The following GPR55 variants were observed in gnomAD, a reference collection of about 807,000 sequenced individuals.
The protein encoded by GPR55 is G-protein coupled receptor 55.
A neutral mutation model predicts 7.9 loss-of-function variants in GPR55; 6 were observed. The ratio of observed to expected loss-of-function variants is 0.76; its 90% CI spans 0.41 to 1.49. GPR55 has a LOEUF of 1.49. Ranked by LOEUF, GPR55 falls within the 40% of genes most tolerant of loss-of-function variation. The pLI is 0.01. For synonymous variants in GPR55, 183 were observed against 166.8 expected, an observed-to-expected ratio of 1.10 and a Z score of -0.75; for missense variants, 376 against 406.0, an observed-to-expected ratio of 0.93 and a Z score of 0.63.
At chr2:230,932,191 C>T (rs919126182) in intron 1 of GPR55, among the ~76,000 whole-genome samples, 11 of 152,234 alleles carry the variant, frequency 7.2e-5, no homozygotes, top group African/African-American at 2.2e-4. Flanking sequence ...ACCAGCCCGC[C>T]GACCTTCTCT....
At chr2:230,951,912 C>T (rs1341056994) in intron 1 of GPR55, among the ~76,000 whole-genome samples, 1 of 147,506 alleles carries the variant, frequency 6.8e-6, no homozygotes, top group Non-Finnish European at 1.5e-5. Flanking sequence ...GTACATACCA[C>T]CAGGCCCGGC....
At chr2:230,950,732 G>A (rs529018967) in intron 1 of GPR55, among the ~76,000 whole-genome samples, 34 of 152,226 alleles carry the variant, frequency 2.2e-4, no homozygotes, top group Admixed American at 1.5e-3. Flanking sequence ...GACAGTGGCT[G>A]TGTTAGGCCT....
At chr2:230,927,061 T>A (rs977605816), upstream of GPR55, among the ~76,000 whole-genome samples, 2 of 152,184 alleles carry the variant, frequency 1.3e-5, no homozygotes, top group African/African-American at 4.8e-5. Flanking sequence ...TTTTAAATTT[T>A]TAAATTTTTG....
At chr2:230,952,637 G>C (rs1245710564) in intron 1 of GPR55, among the ~76,000 whole-genome samples, 1 of 152,226 alleles carries the variant, frequency 6.6e-6, no homozygotes, top group East Asian at 1.9e-4. Context: ...GGGCGTTTCT[G>C]AAGCTCAGGG....
intron 1 of GPR55, among the ~76,000 whole-genome samples, chr2:230,933,027 T>C (rs1217763167): frequency 1.3e-5 from 2 of 152,098 alleles, no homozygotes; most frequent in Non-Finnish European, 1.5e-5. Flanking sequence ...GAAGGGAAAA[T>C]GGGTCTGCTT....
intron 1 of GPR55, among the ~76,000 whole-genome samples, chr2:230,914,322 A>G (rs1259804276): frequency 2.6e-5 from 4 of 152,242 alleles, no homozygotes; most frequent in Non-Finnish European, 5.9e-5. Flanking sequence ...TAAAGGTCAC[A>G]TTTGAATTAC....
rs2125044782 is a variant in GPR55, at chr2:230,909,946, A to G, written c.*57T>C. ...CCACATCAAAACCCTGGAACGCGATATCCGTTACCAGAATTCAGGGCCAGG... is the reference window on the plus strand; with the variant it reads ...CCACATCAAAACCCTGGAACGCGATGTCCGTTACCAGAATTCAGGGCCAGG... On this transcript the variant is annotated 3_prime_UTR_variant, in exon 2 of 2. Transcript: ENST00000650999. 6.5e-7 allele frequency: 1 copy of G among 1,529,200 alleles called. No individual in the cohort carries two copies. Among genetic ancestry groups the G allele is most frequent in the Admixed American group, 1.8e-5 (1 of 54,588 alleles). 94.7% of individuals were successfully genotyped at this position (1,529,200 alleles called of 1,614,324 possible). A position where few individuals can be genotyped will look rare whatever the true frequency, so the allele number is the denominator to read the frequency against.
rs61393519 is a variant in GPR55, at chr2:230,924,310, A to C, written c.-135+858T>G. ...CAAAGGCAAACCTTGCCTTCCACAG[A>C]GCTGTGGGCGGCACTTTGCCCTGCC... On this transcript the variant is annotated intron_variant, in intron 1 of 1. Transcript: ENST00000650999. This position sits in a 1 kb window ranked among gnomAD's most constrained non-coding sequence, Gnocchi z 4.5. Among the ~76,000 whole-genome samples, 605 of 152,236 alleles carry C rather than the reference A, an allele frequency of 4.0e-3. 2 individuals are homozygous for C. Among genetic ancestry groups the C allele is most frequent in the African/African-American group, 0.014 (570 of 41,536 alleles).
At chr2:230,916,219 A>G (rs1690711086) in intron 1 of GPR55, among the ~76,000 whole-genome samples, 1 of 152,090 alleles carries the variant, frequency 6.6e-6, no homozygotes, top group Non-Finnish European at 1.5e-5. Context: ...CCAAAAAAGA[A>G]AAAAAAATTT....
intron 1 of GPR55, among the ~76,000 whole-genome samples, chr2:230,941,893 T>G (rs570160015): frequency 6.6e-6 from 1 of 152,364 alleles, no homozygotes; most frequent in Admixed American, 6.5e-5. Context: ...GGATCCTGTC[T>G]GCTCTCTTTA....
intron 1 of GPR55, among the ~76,000 whole-genome samples, chr2:230,940,373 G>T (rs1691207084): frequency 6.6e-6 from 1 of 152,126 alleles, no homozygotes. Context: ...ATCAGTGGGA[G>T]GGGTCCAGGC....
In GPR55 at chr2:230,942,512, G is replaced by C. The variant is rs6711877; in HGVS notation, c.-135+18263C>G. ...GAGGGCAGGTGGAAGAGGCAGGTGT[G>C]GGGGGAGAGCGGCAGGGGGCAGTAG... On this transcript the variant is annotated intron_variant, in intron 1 of 1. Transcript: ENST00000392039. 3.3e-5 allele frequency among the ~76,000 whole-genome samples: 5 copies of C among 152,266 alleles called. No homozygotes were observed. The East Asian group carries it at 9.6e-4, about 29-fold the overall frequency.
At chr2:230,915,906 GC>G (rs929271512) in intron 1 of GPR55, among the ~76,000 whole-genome samples, 1 of 151,956 alleles carries the variant, frequency 6.6e-6, no homozygotes, top group Non-Finnish European at 1.5e-5. Flanking sequence ...AAAAACAACC[GC>G]CCCAAAACTT....
chr2:230,937,149 C>A (rs1484707791), intron 1 of GPR55, among the ~76,000 whole-genome samples: 3 of 152,118 alleles, frequency 2.0e-5, no homozygotes, highest in Admixed American at 6.5e-5. Context: ...CACCTGTAAT[C>A]CCAACGTTTT....
At chr2:230,950,036 A>G (rs1372758530) in intron 1 of GPR55, among the ~76,000 whole-genome samples, 1 of 152,184 alleles carries the variant, frequency 6.6e-6, no homozygotes, top group Non-Finnish European at 1.5e-5. Flanking sequence ...GGGTTTCACC[A>G]TGCTGGCCAG....
In GPR55 at chr2:230,944,632, G is replaced by C. The variant is rs191383745; in HGVS notation, c.-135+16143C>G. Among the ~76,000 whole-genome samples the C allele has an allele frequency of 1.3e-3, 203 of 152,328 alleles. No individual in the cohort carries two copies. Among genetic ancestry groups the C allele is most frequent in the Middle Eastern group, 3.4e-3 (1 of 294 alleles). The stretch of plus-strand genomic sequence containing the variant: ...ATGATTTGCTTTAACTGAAGGTGAA[G>C]AGAATCTTTCAGGAGTGGAGAGAAT... On this transcript the variant is annotated intron_variant, in intron 1 of 1. Coordinates refer to the GPR55 transcript ENST00000392039. This position sits in a 1 kb window ranked among gnomAD's most constrained non-coding sequence, Gnocchi z 4.2.
upstream of GPR55, among the ~76,000 whole-genome samples, chr2:230,927,349 A>T (rs753677913): frequency 6.6e-6 from 1 of 151,990 alleles, no homozygotes; most frequent in Non-Finnish European, 1.5e-5. Flanking sequence ...TATATGGGGG[A>T]TCCCTTGCCA....
chr2:230,938,988 G>A (rs116294526), intron 1 of GPR55, among the ~76,000 whole-genome samples: 2,493 of 152,250 alleles, frequency 0.016, 58 homozygotes, highest in African/African-American at 0.057. Flanking sequence ...CTCCCACCTC[G>A]CCGCCTGGGG....
chr2:230,910,089 T>G lies in GPR55; in HGVS notation c.874A>C (p.Ile292Leu). 1 of 1,614,166 alleles carries G rather than the reference T, an allele frequency of 6.2e-7. No individual in the cohort carries two copies. Among genetic ancestry groups the G allele is most frequent in the Non-Finnish European group, 8.5e-7 (1 of 1,180,020 alleles). The change falls in exon 2 of 2, where the codon ATC becomes CTC. Residue 292 changes from isoleucine (I) to leucine (L), a missense_variant. Physicochemically the swap from Ile to Leu is conservative, Grantham distance 5. Coordinates refer to ENST00000650999, the MANE Select transcript of GPR55 (RefSeq NM_005683.4). The surrounding 1 kb of genome is among the most constrained non-coding windows in gnomAD (Gnocchi z 5.4). ...CLDVFCYYFV[I>L]KEFRMNIRAH... The stretch of plus-strand genomic sequence containing the variant: ...CTGATGTTCATGCGGAATTCTTTGA[T>G]GACAAAGTAGTAGCAGAAAACATCC...
Sources: gnomAD v4.1 joint callset for allele counts (sites outside exome capture counted in the v4.1 genomes callset) on GRCh38, gnomAD v4.1.1 for gene constraint, Gnocchi (gnomAD v3.1) non-coding constraint, MANE v1.5 for transcripts, NCBI Gene and HGNC (gene_info 2026-07-23, HGNC 2026-07-21) for gene names.